PITPNB: variants seen among roughly 807,000 people sequenced by gnomAD.
PITPNB encodes the protein phosphatidylinositol transfer protein beta, also known as phosphatidylinositol transfer protein beta isoform.
PITPNB carries 16 observed loss-of-function variants against 45.9 expected under a neutral mutation model. The ratio of observed to expected loss-of-function variants is 0.35; its 90% CI spans 0.24 to 0.53. PITPNB has a LOEUF of 0.53. Among genes scored for constraint, PITPNB ranks in the 20% least tolerant of loss-of-function variants. The pLI, the probability that PITPNB is intolerant of heterozygous loss-of-function variation, is 0.93. For missense variants in PITPNB, 188 were observed against 330.5 expected (o/e 0.57, Z 3.34); for synonymous variants, 112 against 108.9 (o/e 1.03, Z -0.18).
At chr22:27,891,921 G>A (rs754129764) in intron 7 of PITPNB, among the ~76,000 whole-genome samples, 5 of 152,180 alleles carry the variant, frequency 3.3e-5, no homozygotes, top group African/African-American at 9.7e-5. Context: ...CAGGCAAAGA[G>A]AGGCTAACCA....
At chr22:27,872,549 CCAAAGT>C (rs1934700193) in intron 8 of PITPNB, among the ~76,000 whole-genome samples, 1 of 152,168 alleles carries the variant, frequency 6.6e-6, no homozygotes, top group Non-Finnish European at 1.5e-5. Context: ...TTCTTATAAA[CCAAAGT>C]CAAATTCATT....
intron 9 of PITPNB, 133 bp from the exon 10 acceptor site, chr22:27,858,642 G>A: frequency 1.3e-5 from 8 of 601,588 alleles, no homozygotes; most frequent in African/African-American, 3.8e-5. Context: ...GTAGATTTGT[G>A]GAAATCATAA....
At chr22:27,907,926 C>T (rs148398920) in intron 3 of PITPNB, among the ~76,000 whole-genome samples, 47 of 151,896 alleles carry the variant, frequency 3.1e-4, no homozygotes, top group Admixed American at 2.0e-3. Context: ...CAGGGTACTC[C>T]GCTCCTCCTA....
Position 27,911,050 on chromosome 22 carries a change from T to C in PITPNB, c.111A>G (p.Gly37=), listed in dbSNP as rs773090158. ...CATTCTTTAAGACTTCAATTCCTTCTCCACCACCAGTCTCATTCTTACTAG... is the reference window on the plus strand; with the variant it reads ...CATTCTTTAAGACTTCAATTCCTTCCCCACCACCAGTCTCATTCTTACTAG... The part of the protein sequence containing the change: ...AEASKNETGG[G]EGIEVLKNEP... Residue 37 remains glycine, a synonymous_variant, in exon 3 of 12, where the codon GGA becomes GGG. Coordinates refer to ENST00000335272, the MANE Select transcript of PITPNB (RefSeq NM_012399.5). The C allele has an allele frequency of 5.0e-6, 8 of 1,610,746 alleles. No homozygotes were observed. Among genetic ancestry groups the C allele is most frequent in the African/African-American group, 4.0e-5 (3 of 74,826 alleles).
intron 8 of PITPNB, among the ~76,000 whole-genome samples, chr22:27,869,076 T>C (rs899817348): frequency 3.3e-5 from 5 of 150,008 alleles, no homozygotes; most frequent in African/African-American, 4.9e-5. Context: ...TGGAAACAGG[T>C]ACACACACAC....
chr22:27,881,044 A>T (rs1934956665), intron 7 of PITPNB, among the ~76,000 whole-genome samples: 1 of 152,238 alleles, frequency 6.6e-6, no homozygotes, highest in Non-Finnish European at 1.5e-5. Context: ...TAAATCTACT[A>T]CTGGAAATGA....
intron 5 of PITPNB, 167 bp downstream of exon 5, chr22:27,896,962 GC>G: frequency 1.5e-6 from 1 of 668,998 alleles, no homozygotes; most frequent in South Asian, 1.8e-5. Context: ...GGTGGAAAGG[GC>G]CCATGAACAC....
At chr22:27,914,431 C>T (rs1936021041) in intron 1 of PITPNB, 84 bp from the exon 2 acceptor site, 1 of 783,842 alleles carries the variant, frequency 1.3e-6, no homozygotes, top group Non-Finnish European at 2.1e-6. Context: ...ACCTTAAATC[C>T]AATGATAACA....
rs1934061647 is a variant in PITPNB, at chr22:27,852,854, G to T, written c.*848C>A. 6.6e-6 allele frequency: 1 copy of T among 152,552 alleles called. No homozygotes were observed. Among genetic ancestry groups the T allele is most frequent in the African/African-American group, 2.4e-5 (1 of 41,424 alleles). The allele number at this position is 152,552 out of a possible 1,614,324, so 9.4% of individuals were successfully genotyped here. ...TTTGTCTAACAGGAGCCTGAAAACT[G>T]TCTAGTATTTATTATAAATCAGAAA... On this transcript the variant is annotated 3_prime_UTR_variant, in exon 12 of 12. Coordinates refer to ENST00000335272, the MANE Select transcript of PITPNB (RefSeq NM_012399.5).
At chr22:27,900,576 GT>G (rs2146409030) in intron 3 of PITPNB, among the ~76,000 whole-genome samples, 1 of 151,658 alleles carries the variant, frequency 6.6e-6, no homozygotes, top group Admixed American at 6.6e-5. Flanking sequence ...TTTTTTTTAT[GT>G]TTAACGTGAG....
intron 7 of PITPNB, among the ~76,000 whole-genome samples, chr22:27,892,676 C>T (rs532225728): frequency 3.3e-5 from 5 of 152,108 alleles, no homozygotes; most frequent in Admixed American, 6.5e-5. Flanking sequence ...GTAAACAATA[C>T]CAAGAGAAAT....
chr22:27,898,844 G>A lies in PITPNB; in HGVS notation c.198-952C>T, dbSNP rs527675839. Among the ~76,000 whole-genome samples, 313 of 152,148 alleles carry A rather than the reference G, an allele frequency of 2.1e-3. 13 individuals carry two copies. The South Asian group carries it at 0.063, about 31-fold the overall frequency. On this transcript the variant is annotated intron_variant, in intron 3 of 11. Coordinates refer to ENST00000335272, the MANE Select transcript of PITPNB (RefSeq NM_012399.5). Reference sequence around the variant, plus strand: ...TCAGAAACAATCCCAACATATAAAGGGGCAAAAGTCATCCACAGGCCCATT... The same window carrying A: ...TCAGAAACAATCCCAACATATAAAGAGGCAAAAGTCATCCACAGGCCCATT...
intron 7 of PITPNB, among the ~76,000 whole-genome samples, chr22:27,893,429 C>G (rs1262486137): frequency 6.6e-6 from 1 of 151,418 alleles, no homozygotes; most frequent in African/African-American, 2.4e-5. Flanking sequence ...GGACTATAGG[C>G]GCCCACCACC....
At chr22:27,903,946 C>G (rs1935685556) in intron 3 of PITPNB, among the ~76,000 whole-genome samples, 1 of 152,076 alleles carries the variant, frequency 6.6e-6, no homozygotes, top group Non-Finnish European at 1.5e-5. Context: ...TGAGATACCA[C>G]TTCACACACA....
intron 7 of PITPNB, among the ~76,000 whole-genome samples, chr22:27,885,722 A>G (rs1304972781): frequency 6.6e-6 from 1 of 152,224 alleles, no homozygotes; most frequent in Non-Finnish European, 1.5e-5. Flanking sequence ...ATCCAGAATT[A>G]CTAAAGAAGG....
intron 7 of PITPNB, among the ~76,000 whole-genome samples, chr22:27,881,430 G>A (rs188637253): frequency 6.6e-6 from 1 of 152,260 alleles, no homozygotes; most frequent in East Asian, 1.9e-4. Context: ...ACACCCTAGT[G>A]ATAAGTAACA....
At chr22:27,855,158 TA>T (rs1393288096) in intron 10 of PITPNB, among the ~76,000 whole-genome samples, 5 of 152,140 alleles carry the variant, frequency 3.3e-5, no homozygotes, top group Admixed American at 1.3e-4. Flanking sequence ...TCCTTAACTG[TA>T]AAAAACAAAA....
chr22:27,864,471 C>T (rs1601381326), intron 8 of PITPNB, among the ~76,000 whole-genome samples: 3 of 152,078 alleles, frequency 2.0e-5, no homozygotes, highest in Non-Finnish European at 4.4e-5. Flanking sequence ...CTGGTAATTC[C>T]ACTTTTAGAA....
At chr22:27,875,954 C>CT (rs1262328070) in intron 7 of PITPNB, among the ~76,000 whole-genome samples, 1 of 152,084 alleles carries the variant, frequency 6.6e-6, no homozygotes, top group Non-Finnish European at 1.5e-5. Context: ...ACAAAAGCAG[C>CT]AAAGGAAACA....
Sources: allele counts gnomAD v4.1 joint callset (sites outside exome capture counted in the v4.1 genomes callset), GRCh38; gene constraint gnomAD v4.1.1; transcripts MANE v1.5; gene names NCBI Gene and HGNC (gene_info 2026-07-23, HGNC 2026-07-21).